Variants in AHRR observed in about 807,000 individuals in gnomAD.
The protein encoded by AHRR is ahR repressor.
Under a neutral mutation model 44.0 loss-of-function variants are expected in AHRR, and 28 were observed. That is an observed-to-expected ratio of 0.64 (90% CI 0.47 to 0.87). The LOEUF is 0.87. AHRR is among the 40% of genes least tolerant of loss of function. The pLI, the probability that AHRR is intolerant of heterozygous loss-of-function variation, is 0.00. For synonymous variants in AHRR, 434 were observed against 407.0 expected (o/e 1.07, Z -0.80); for missense variants, 990 against 953.9 (o/e 1.04, Z -0.50).
intron 4 of AHRR, among the ~76,000 whole-genome samples, chr5:402,050 C>A (rs78688545): frequency 0.05 from 7,653 of 152,258 alleles, 258 homozygotes; most frequent in Middle Eastern, 0.11. Flanking sequence ...GCCAACCATA[C>A]ATCTCACTGG....
At chr5:382,853 T>G (rs986171469) in intron 4 of AHRR, among the ~76,000 whole-genome samples, 1 of 152,172 alleles carries the variant, frequency 6.6e-6, no homozygotes, top group Non-Finnish European at 1.5e-5. Flanking sequence ...GATGGAAGTT[T>G]AAATCACTGA....
chr5:415,408 GGTGGGAGGC>G (rs1735705833), intron 5 of AHRR, among the ~76,000 whole-genome samples: 9 of 136,718 alleles, frequency 6.6e-5, no homozygotes, highest in African/African-American at 2.3e-4. Context: ...TGCCTGGTCG[GGTGGGAGGC>G]CTAGGGGCCG....
At chr5:343,566 C>A (rs1579600401) in intron 1 of AHRR, 1 of 359,790 alleles carries the variant, frequency 2.8e-6, no homozygotes, top group East Asian at 6.1e-5. Flanking sequence ...CTGGCTTCCT[C>A]GATGGCTTCC....
Position 326,744 on chromosome 5 carries a change from CCCT to C in AHRR, c.-11+4926_-11+4928del, listed in dbSNP as rs1560875821. ...TCCAATTTCTCCATAGCCCCACTGA[CCCT>C]TGTTATGTTCCATTAAAAAAAATGA... On this transcript the variant is annotated intron_variant, in intron 1 of 10. Transcript: ENST00000684583. This position sits in a 1 kb window ranked among gnomAD's most constrained non-coding sequence, Gnocchi z 4.1. 6.6e-6 allele frequency among the ~76,000 whole-genome samples: 1 copy of C among 152,030 alleles called. No homozygotes were observed.
At chr5:416,044 G>A (rs528359254) in intron 5 of AHRR, among the ~76,000 whole-genome samples, 7 of 152,228 alleles carry the variant, frequency 4.6e-5, no homozygotes, top group Non-Finnish European at 8.8e-5. Flanking sequence ...TTTCTGCACC[G>A]TGGCTGTGTC....
rs1553978916 is a variant in AHRR at position 344,964 on chromosome 5, TGGG to T, written c.62+1003_62+1005del. ...TGTGGGGGGGGTGTGTGTGTGAGGT[TGGG>T]GGCTGTGTGGGGTGTGTGTGAGGCT... On this transcript the variant is annotated intron_variant, in intron 2 of 10. Coordinates refer to ENST00000684583, the MANE Select transcript of AHRR (RefSeq NM_001377236.1). 1.7e-3 allele frequency among the ~76,000 whole-genome samples: 109 copies of T among 65,484 alleles called. 2 individuals carry two copies. In the East Asian group the frequency reaches 0.066, roughly 39 times the overall value. The allele number at this position is 65,484 out of a possible 152,430, so 43.0% of individuals were successfully genotyped here.
intron 3 of AHRR, among the ~76,000 whole-genome samples, chr5:374,567 T>G (rs376503214): frequency 1.3e-5 from 2 of 152,210 alleles, no homozygotes; most frequent in Non-Finnish European, 1.5e-5. Context: ...AATGGGGCAG[T>G]TTTTGTTACA....
intron 1 of AHRR, among the ~76,000 whole-genome samples, chr5:328,032 G>A (rs1008736611): frequency 6.6e-6 from 1 of 152,030 alleles, no homozygotes. Context: ...AGAACATGCG[G>A]TGTTTGTTTT....
At chr5:330,841 T>C (rs961140720) in intron 1 of AHRR, among the ~76,000 whole-genome samples, 1 of 151,822 alleles carries the variant, frequency 6.6e-6, no homozygotes, top group African/African-American at 2.4e-5. Context: ...GTCTTAGTTC[T>C]TTTTTTGCAT....
intron 2 of AHRR, among the ~76,000 whole-genome samples, chr5:344,989 G>T: frequency 7.8e-6 from 1 of 128,728 alleles, no homozygotes; most frequent in Non-Finnish European, 1.7e-5. Flanking sequence ...GTGTGTGTGA[G>T]GCTGTGTGTG....
intron 8 of AHRR, among the ~76,000 whole-genome samples, chr5:430,998 G>A (rs770896865): frequency 3.3e-5 from 5 of 152,218 alleles, no homozygotes; most frequent in African/African-American, 4.8e-5. Context: ...CAGGTCTTCC[G>A]GCACCTACAG....
At chr5:426,519 A>G (rs564084769) in intron 7 of AHRR, among the ~76,000 whole-genome samples, 3 of 148,050 alleles carry the variant, frequency 2.0e-5, no homozygotes, top group African/African-American at 7.6e-5. Flanking sequence ...TGAATGGATG[A>G]ATGGGAAGAT....
At chr5:331,900 T>C (rs567252831) in intron 1 of AHRR, among the ~76,000 whole-genome samples, 3 of 152,278 alleles carry the variant, frequency 2.0e-5, no homozygotes, top group Admixed American at 6.5e-5. Flanking sequence ...AGTGGAAAAA[T>C]TGTCTTCCAC....
intron 3 of AHRR, among the ~76,000 whole-genome samples, chr5:373,727 C>G (rs983183291): frequency 1.3e-5 from 2 of 151,242 alleles, no homozygotes; most frequent in Non-Finnish European, 3.0e-5. Context: ...CCTGGGGAGG[C>G]CGTGGCCGGG....
intron 2 of AHRR, among the ~76,000 whole-genome samples, chr5:351,678 C>G (rs184279128): frequency 6.6e-6 from 1 of 152,304 alleles, no homozygotes; most frequent in East Asian, 1.9e-4. Context: ...GGCTTAGCGA[C>G]GGCCCTAAGT....
rs553200689 is a variant in AHRR, at chr5:334,151, C to G, written c.-10-9742C>G. On this transcript the variant is annotated intron_variant, in intron 1 of 10. Coordinates refer to ENST00000684583, the MANE Select transcript of AHRR (RefSeq NM_001377236.1). ...TTTTCTCTTGATTTTAGAATTTGCT[C>G]TTTCACTTTGACTTTGGACTGATTC... 5.3e-5 allele frequency among the ~76,000 whole-genome samples: 8 copies of G among 152,262 alleles called. No homozygotes were observed. In the East Asian group the frequency reaches 1.2e-3, roughly 22 times the overall value.
chr5:323,594 C>T (rs1247200586), intron 1 of AHRR, among the ~76,000 whole-genome samples: 1 of 152,170 alleles, frequency 6.6e-6, no homozygotes, highest in Admixed American at 6.5e-5. Context: ...CTGGTGTTCC[C>T]GGGAGCAGGC....
chr5:403,480 G>A (rs1384220504), intron 4 of AHRR, among the ~76,000 whole-genome samples: 7 of 151,862 alleles, frequency 4.6e-5, no homozygotes, highest in African/African-American at 9.7e-5. Flanking sequence ...TACTAAAAAT[G>A]CAAAAATTAG....
At chr5:361,411 C>G (rs565917619) in intron 3 of AHRR, among the ~76,000 whole-genome samples, 1 of 152,186 alleles carries the variant, frequency 6.6e-6, no homozygotes. Flanking sequence ...GAGAACAGGA[C>G]GGGAGGTAGT....
Sources: gnomAD v4.1 joint callset for allele counts (sites outside exome capture counted in the v4.1 genomes callset) on GRCh38, gnomAD v4.1.1 for gene constraint, Gnocchi (gnomAD v3.1) non-coding constraint, MANE v1.5 for transcripts, NCBI Gene and HGNC (gene_info 2026-07-23, HGNC 2026-07-21) for gene names.